EYS: variants seen among roughly 807,000 people sequenced by gnomAD.
EYS encodes the protein protein eyes shut homolog.
EYS carries 250 observed loss-of-function variants against 282.1 expected under a neutral mutation model. That is an observed-to-expected ratio of 0.89 (90% CI 0.80 to 0.98). EYS has a LOEUF of 0.98. EYS is among the 50% of genes least tolerant of loss of function. The pLI, the probability that EYS is intolerant of heterozygous loss-of-function variation, is 0.00. For synonymous variants in EYS, 1,355 were observed against 1,282.9 expected (o/e 1.06, Z -1.20); for missense variants, 4,016 against 3,709.0 (o/e 1.08, Z -2.15).
chr6:65,127,425 A>G (rs1190182523), intron 12 of EYS, among the ~76,000 whole-genome samples: 1 of 152,158 alleles, frequency 6.6e-6, no homozygotes, highest in African/African-American at 2.4e-5. Context: ...CCTGCAAAGC[A>G]ATTGTTAAAT....
chr6:63,913,215 T>C (rs1764322447), intron 35 of EYS, among the ~76,000 whole-genome samples: 1 of 152,220 alleles, frequency 6.6e-6, no homozygotes, highest in Admixed American at 6.5e-5. Flanking sequence ...TTGCAAACAC[T>C]GGAGAGTTTT....
intron 35 of EYS, among the ~76,000 whole-genome samples, chr6:63,971,127 C>A (rs537717727): frequency 2.0e-5 from 3 of 152,272 alleles, no homozygotes; most frequent in South Asian, 4.1e-4. Context: ...TCCAACCTTA[C>A]AAAGTTGTAA....
At chr6:65,339,383 C>G (rs1204297902) in intron 10 of EYS, among the ~76,000 whole-genome samples, 1 of 150,900 alleles carries the variant, frequency 6.6e-6, no homozygotes, top group Admixed American at 6.6e-5. Context: ...CACCACGGTT[C>G]AAAAATATGT....
chr6:64,612,809 C>T (rs988878537), intron 24 of EYS, among the ~76,000 whole-genome samples: 12 of 151,974 alleles, frequency 7.9e-5, no homozygotes, highest in African/African-American at 2.9e-4. Flanking sequence ...AAATATGTAG[C>T]TGAATTAACA....
chr6:65,196,325 G>GT (rs550381892), intron 12 of EYS, among the ~76,000 whole-genome samples: 76 of 152,018 alleles, frequency 5.0e-4, no homozygotes, highest in African/African-American at 1.8e-3. Context: ...CATTCCCATG[G>GT]TTTTTTATAT....
At chr6:63,835,836 A>T (rs1287972169) in intron 36 of EYS, among the ~76,000 whole-genome samples, 2 of 152,134 alleles carry the variant, frequency 1.3e-5, no homozygotes, top group Non-Finnish European at 2.9e-5. Context: ...AGTAGAAAAA[A>T]GTGATAAATT....
At chr6:63,874,573 AG>A (rs1772912414) in intron 35 of EYS, among the ~76,000 whole-genome samples, 1 of 152,164 alleles carries the variant, frequency 6.6e-6, no homozygotes. Flanking sequence ...TTGAATCTAT[AG>A]ATTACCTTGG....
chr6:63,914,941 A>G (rs1391243163), intron 35 of EYS, among the ~76,000 whole-genome samples: 1 of 152,212 alleles, frequency 6.6e-6, no homozygotes, highest in African/African-American at 2.4e-5. Context: ...AGAAAGAGCC[A>G]TCTCTATAAC....
intron 31 of EYS, among the ~76,000 whole-genome samples, chr6:64,196,942 G>A (rs1765309381): frequency 6.6e-6 from 1 of 150,736 alleles, no homozygotes; most frequent in African/African-American, 2.4e-5. Context: ...GAATATTATT[G>A]TATTTTTCGT....
intron 22 of EYS, among the ~76,000 whole-genome samples, chr6:64,688,869 G>T (rs973790189): frequency 5.9e-5 from 9 of 152,158 alleles, no homozygotes; most frequent in African/African-American, 2.2e-4. Flanking sequence ...ATATCATACT[G>T]AATGGACAAA....
intron 19 of EYS, among the ~76,000 whole-genome samples, chr6:64,864,922 G>C (rs9445429): frequency 0.55 from 83,868 of 151,522 alleles, 23,996 homozygotes; most frequent in Non-Finnish European, 0.62. Context: ...TGTAATCCCA[G>C]CTATTCAGGA....
chr6:63,878,389 T>C (rs575285085), intron 35 of EYS, among the ~76,000 whole-genome samples: 1 of 152,290 alleles, frequency 6.6e-6, no homozygotes, highest in African/African-American at 2.4e-5. Context: ...CGGCCCTTAC[T>C]GGGAGGTGTC....
At chr6:65,632,799 T>C (rs1290684240) in intron 2 of EYS, among the ~76,000 whole-genome samples, 1 of 152,176 alleles carries the variant, frequency 6.6e-6, no homozygotes, top group Non-Finnish European at 1.5e-5. Flanking sequence ...TAGAAGATTA[T>C]CTTATGATAC....
At chr6:63,793,270 C>T (rs1770562039) in intron 37 of EYS, among the ~76,000 whole-genome samples, 1 of 152,318 alleles carries the variant, frequency 6.6e-6, no homozygotes, top group Admixed American at 6.5e-5. Context: ...GGGAAGTCCA[C>T]AATTCCTTTT....
chr6:64,600,773 A>G (rs961931961), intron 24 of EYS, among the ~76,000 whole-genome samples: 4 of 152,110 alleles, frequency 2.6e-5, no homozygotes, highest in African/African-American at 4.8e-5. Context: ...CATTTATTGG[A>G]AAAAACTAAG....
chr6:65,100,106 G>C (rs142989311), intron 12 of EYS, among the ~76,000 whole-genome samples: 48 of 150,922 alleles, frequency 3.2e-4, no homozygotes, highest in African/African-American at 1.2e-3. Flanking sequence ...ATGAACCAGA[G>C]ATGAAGGGCA....
At chr6:64,558,828 T>G (rs1249164403) in intron 26 of EYS, among the ~76,000 whole-genome samples, 1 of 152,174 alleles carries the variant, frequency 6.6e-6, no homozygotes, top group African/African-American at 2.4e-5. Context: ...TGTTAAGGTG[T>G]CACTTTTTCA....
intron 5 of EYS, among the ~76,000 whole-genome samples, chr6:65,468,698 A>T (rs1318250672): frequency 1.3e-5 from 2 of 151,910 alleles, no homozygotes; most frequent in African/African-American, 4.8e-5. Flanking sequence ...ACCTTGATAT[A>T]CCTATGATTG....
At chr6:64,268,926 A>G (rs1025094056) in intron 30 of EYS, among the ~76,000 whole-genome samples, 1 of 152,134 alleles carries the variant, frequency 6.6e-6, no homozygotes, top group Non-Finnish European at 1.5e-5. Context: ...GCAGGCATTG[A>G]CAACACTTTG....
Sources: gnomAD v4.1 joint callset for allele counts (sites outside exome capture counted in the v4.1 genomes callset) on GRCh38, gnomAD v4.1.1 for gene constraint, MANE v1.5 for transcripts, NCBI Gene and HGNC (gene_info 2026-07-23, HGNC 2026-07-21) for gene names.